The following HS6ST3 variants were observed in gnomAD, a reference collection of about 807,000 sequenced individuals.
HS6ST3 encodes heparan sulfate 6-O-sulfotransferase 3.
HS6ST3 carries 12 observed loss-of-function variants against 36.7 expected under a neutral mutation model. The observed-to-expected ratio is 0.33, with a 90% confidence interval of 0.21 to 0.53. The LOEUF (loss-of-function observed/expected upper bound fraction) is 0.53, where lower values mean the gene tolerates loss of function less well. Ranked by LOEUF, HS6ST3 falls within the 20% of genes least tolerant of loss-of-function variation. The pLI is 0.95. For synonymous variants in HS6ST3, 240 were observed against 257.5 expected (o/e 0.93, Z 0.65); for missense variants, 584 against 640.9 (o/e 0.91, Z 0.96).
At position 96,327,555 on chromosome 13, in the gene HS6ST3, T is replaced by C. The variant is rs375962189; in HGVS notation, c.707+235986T>C. Among the ~76,000 whole-genome samples, 306 of 152,108 alleles carry C rather than the reference T, an allele frequency of 2.0e-3. 3 individuals are homozygous for C. Among genetic ancestry groups the C allele is most frequent in the African/African-American group, 7.0e-3 (290 of 41,480 alleles). ...TTGATCTATATCTCTGTTTTGGTACTAGTACCATGCTGTTTTGGTTACTGT... is the reference window on the plus strand; with the variant it reads ...TTGATCTATATCTCTGTTTTGGTACCAGTACCATGCTGTTTTGGTTACTGT... On this transcript the variant is annotated intron_variant, in intron 1 of 1. Transcript: ENST00000376705.
chr13:96,606,263 A>C (rs1276594058), intron 1 of HS6ST3, among the ~76,000 whole-genome samples: 5 of 152,148 alleles, frequency 3.3e-5, no homozygotes, highest in African/African-American at 1.2e-4. Context: ...AAAAAGACAC[A>C]TGCACTCGTA....
At chr13:96,669,911 A>T (rs562827504) in intron 1 of HS6ST3, among the ~76,000 whole-genome samples, 1 of 152,290 alleles carries the variant, frequency 6.6e-6, no homozygotes, top group Non-Finnish European at 1.5e-5. Context: ...TAAGTAGCCT[A>T]AAATACACTG....
intron 1 of HS6ST3, among the ~76,000 whole-genome samples, chr13:96,821,738 C>T (rs910646934): frequency 3.9e-5 from 6 of 152,170 alleles, no homozygotes; most frequent in Admixed American, 2.0e-4. Flanking sequence ...TGGAATCTCA[C>T]AAGTATTTTT....
At chr13:96,712,621 G>A (rs1267608277) in intron 1 of HS6ST3, among the ~76,000 whole-genome samples, 1 of 152,118 alleles carries the variant, frequency 6.6e-6, no homozygotes, top group Non-Finnish European at 1.5e-5. Flanking sequence ...AAGAAGAGTT[G>A]GCCTGCCATC....
intron 1 of HS6ST3, among the ~76,000 whole-genome samples, chr13:96,358,163 AACTAATACATAT>A (rs1257931088): frequency 1.3e-5 from 2 of 152,274 alleles, no homozygotes; most frequent in Middle Eastern, 3.4e-3. Flanking sequence ...GAAGAATGCT[AACTAATACATAT>A]AGAAGACAAG....
intron 1 of HS6ST3, among the ~76,000 whole-genome samples, chr13:96,405,999 G>A (rs1329048094): frequency 6.6e-6 from 1 of 152,162 alleles, no homozygotes; most frequent in Non-Finnish European, 1.5e-5. Flanking sequence ...TTTGGAGAAT[G>A]CTTTTTATTC....
chr13:96,176,995 A>G (rs1187856416), intron 1 of HS6ST3, among the ~76,000 whole-genome samples: 2 of 152,252 alleles, frequency 1.3e-5, no homozygotes, highest in Non-Finnish European at 2.9e-5. Context: ...GAAGACATAC[A>G]CGCGGCCAAC....
chr13:96,150,550 A>G (rs1487484239), intron 1 of HS6ST3, among the ~76,000 whole-genome samples: 1 of 152,138 alleles, frequency 6.6e-6, no homozygotes, highest in Non-Finnish European at 1.5e-5. Context: ...AGTTAAATGG[A>G]GATAGATTTC....
intron 1 of HS6ST3, among the ~76,000 whole-genome samples, chr13:96,331,079 T>C (rs1409248811): frequency 6.6e-6 from 1 of 152,174 alleles, no homozygotes; most frequent in Non-Finnish European, 1.5e-5. Flanking sequence ...TAGTTATACA[T>C]TCTGTTAAAT....
At chr13:96,096,147 A>G (rs1278463183) in intron 1 of HS6ST3, among the ~76,000 whole-genome samples, 1 of 152,174 alleles carries the variant, frequency 6.6e-6, no homozygotes, top group Non-Finnish European at 1.5e-5. Context: ...AATATTTAAT[A>G]TGGAGATGAG....
At chr13:96,477,051 C>T (rs993070477) in intron 1 of HS6ST3, among the ~76,000 whole-genome samples, 4 of 152,150 alleles carry the variant, frequency 2.6e-5, no homozygotes, top group Admixed American at 1.3e-4. Context: ...TTAGTAAAAC[C>T]TTAGCCATGT....
intron 1 of HS6ST3, among the ~76,000 whole-genome samples, chr13:96,317,752 C>T (rs890640174): frequency 2.6e-5 from 4 of 151,158 alleles, no homozygotes; most frequent in African/African-American, 4.9e-5. Context: ...TTGTAATAGC[C>T]GTTCTGACTG....
At chr13:96,326,199 T>TG (rs1277675382) in intron 1 of HS6ST3, among the ~76,000 whole-genome samples, 1 of 151,642 alleles carries the variant, frequency 6.6e-6, no homozygotes, top group Non-Finnish European at 1.5e-5. Flanking sequence ...TATTATACTT[T>TG]AAGTTTTAGG....
At chr13:96,787,713 G>T (rs558717229) in intron 1 of HS6ST3, among the ~76,000 whole-genome samples, 1 of 151,932 alleles carries the variant, frequency 6.6e-6, no homozygotes. Context: ...ACTGTAGCTT[G>T]TCAGTTCTTC....
At chr13:96,135,995 A>G (rs1168116493) in intron 1 of HS6ST3, among the ~76,000 whole-genome samples, 1 of 152,124 alleles carries the variant, frequency 6.6e-6, no homozygotes. Flanking sequence ...GATATTTCTC[A>G]TAGATAAGGA....
chr13:96,509,088 AT>A (rs1235365168), intron 1 of HS6ST3, among the ~76,000 whole-genome samples: 19 of 152,066 alleles, frequency 1.2e-4, no homozygotes, highest in African/African-American at 4.3e-4. Flanking sequence ...TTTACTTTGC[AT>A]TTCTCTGATG....
At chr13:96,353,496 G>A (rs1404946206) in intron 1 of HS6ST3, among the ~76,000 whole-genome samples, 6 of 151,462 alleles carry the variant, frequency 4.0e-5, no homozygotes, top group Middle Eastern at 3.4e-3. Flanking sequence ...AAAATTCCAC[G>A]AATAAAGGAT....
chr13:96,134,599 A>G (rs113843586), intron 1 of HS6ST3, among the ~76,000 whole-genome samples: 3,627 of 152,082 alleles, frequency 0.024, 122 homozygotes, highest in African/African-American at 0.081. Context: ...TTATTTATTT[A>G]TCTATTGTTT....
chr13:96,314,620 A>C (rs2054959169), intron 1 of HS6ST3, among the ~76,000 whole-genome samples: 1 of 152,208 alleles, frequency 6.6e-6, no homozygotes, highest in Non-Finnish European at 1.5e-5. Flanking sequence ...CATTGTGAAT[A>C]ATTGTTGCAC....
Sources: gnomAD v4.1 joint callset for allele counts (sites outside exome capture counted in the v4.1 genomes callset) on GRCh38, gnomAD v4.1.1 for gene constraint, MANE v1.5 for transcripts, NCBI Gene and HGNC (gene_info 2026-07-23, HGNC 2026-07-21) for gene names.